Variants in MAST2 observed in about 807,000 individuals in gnomAD.
MAST2 encodes the protein microtubule-associated serine/threonine-protein kinase 2.
In MAST2, 70 loss-of-function variants were observed where a neutral mutation model predicts 147.4. The ratio of observed to expected loss-of-function variants is 0.47; its 90% CI spans 0.39 to 0.58. MAST2 has a LOEUF of 0.58. Ranked by LOEUF, MAST2 falls within the 20% of genes least tolerant of loss-of-function variation. MAST2 has a pLI of 0.00. For synonymous variants in MAST2, 869 were observed against 896.8 expected (o/e 0.97, Z 0.55); for missense variants, 2,080 against 2,302.3 (o/e 0.90, Z 1.98).
chr1:46,002,715 C>A, intron 6 of MAST2, 90 bp from the exon 7 acceptor site: 1 of 1,099,482 alleles, frequency 9.1e-7, no homozygotes, highest in Non-Finnish European at 1.4e-6. Flanking sequence ...AGTGAATCAA[C>A]TGCCCCCAAA....
intron 3 of MAST2, among the ~76,000 whole-genome samples, chr1:45,841,458 GTA>G (rs552340529): frequency 6.6e-6 from 1 of 151,022 alleles, no homozygotes; most frequent in Non-Finnish European, 1.5e-5. Context: ...TATTTCTTCT[GTA>G]TATATATATA....
intron 4 of MAST2, among the ~76,000 whole-genome samples, chr1:45,896,556 G>A (rs1223153384): frequency 6.6e-6 from 1 of 152,100 alleles, no homozygotes; most frequent in Non-Finnish European, 1.5e-5. Flanking sequence ...CTTGCCCCAG[G>A]TGTAGGGTGG....
rs750120985 is a variant in MAST2 at position 46,002,800 on chromosome 1, T to C, written c.669-5T>C. The C allele has an allele frequency of 2.5e-6, 4 of 1,613,956 alleles. No homozygotes were observed. The African/African-American group carries it at 4.0e-5, about 16-fold the overall frequency. On this transcript the variant is annotated splice_region_variant and splice_polypyrimidine_tract_variant and intron_variant, in intron 6 of 28. Transcript: ENST00000361297. ...AAACTGCCTAATACTTTTTCTTGCA[T>C]ACAGGACTGATGGGCGGCGCTGGTC...
intron 4 of MAST2, among the ~76,000 whole-genome samples, chr1:45,900,173 CAAAAA>C (rs59051138): frequency 3.7e-5 from 2 of 54,104 alleles, no homozygotes; most frequent in South Asian, 9.4e-4. Context: ...CTCTCTCTCT[CAAAAA>C]AAAAAAAAAA....
chr1:45,934,828 T>C (rs1466491567), intron 4 of MAST2, among the ~76,000 whole-genome samples: 1 of 152,246 alleles, frequency 6.6e-6, no homozygotes, highest in Non-Finnish European at 1.5e-5. Flanking sequence ...TGATTCCGTG[T>C]CTTTGCTATA....
At chr1:45,997,092 A>C (rs1163831876) in intron 5 of MAST2, among the ~76,000 whole-genome samples, 1 of 152,190 alleles carries the variant, frequency 6.6e-6, no homozygotes, top group East Asian at 1.9e-4. Context: ...GCAAAGGTAA[A>C]CTTACAGTTT....
Position 46,031,364 on chromosome 1 carries a change from G to A in MAST2, c.2993-27G>A, listed in dbSNP as rs1646659337. ...GGCAGGGAGGCTCAGCGGCATCGCG[G>A]GTCTCACTGCTTACTTGGGCCTACA... On this transcript the variant is annotated intron_variant, in intron 23 of 28. Transcript: ENST00000361297. The surrounding 1 kb of genome is among the most constrained non-coding windows in gnomAD (Gnocchi z 4.1). 6.3e-7 allele frequency: 1 copy of A among 1,594,608 alleles called. No homozygotes were observed. Among genetic ancestry groups the A allele is most frequent in the African/African-American group, 1.3e-5 (1 of 74,602 alleles).
intron 4 of MAST2, among the ~76,000 whole-genome samples, chr1:45,885,248 C>A (rs1647031537): frequency 6.6e-6 from 1 of 152,112 alleles, no homozygotes; most frequent in African/African-American, 2.4e-5. Context: ...AATGGTTCTC[C>A]CAAGAGCGAA....
intron 5 of MAST2, among the ~76,000 whole-genome samples, chr1:45,993,092 C>T (rs1033860218): frequency 2.0e-5 from 3 of 151,942 alleles, no homozygotes; most frequent in African/African-American, 7.3e-5. Context: ...TTTTGATCCT[C>T]ATGTGTTGTA....
chr1:45,965,165 C>T (rs566435813), intron 5 of MAST2, among the ~76,000 whole-genome samples: 26 of 152,132 alleles, frequency 1.7e-4, no homozygotes, highest in East Asian at 5.8e-4. Flanking sequence ...GGAATAGGTG[C>T]GGTGTGGTGC....
chr1:45,895,788 C>T (rs1039171946), intron 4 of MAST2, among the ~76,000 whole-genome samples: 4 of 152,144 alleles, frequency 2.6e-5, no homozygotes, highest in Non-Finnish European at 5.9e-5. Flanking sequence ...ATTCCATTAT[C>T]AATTTTTATA....
chr1:45,864,416 T>C (rs1646077354), intron 3 of MAST2, among the ~76,000 whole-genome samples: 1 of 152,078 alleles, frequency 6.6e-6, no homozygotes, highest in Non-Finnish European at 1.5e-5. Context: ...TTCGTTACTG[T>C]CCAAGAAGTG....
chr1:45,937,112 T>A (rs900428674), intron 4 of MAST2, among the ~76,000 whole-genome samples: 1 of 151,044 alleles, frequency 6.6e-6, no homozygotes, highest in African/African-American at 2.4e-5. Flanking sequence ...TTATTTATTT[T>A]CTTTCTAGAA....
At chr1:45,809,430 C>A (rs934536050) in intron 1 of MAST2, among the ~76,000 whole-genome samples, 3 of 152,064 alleles carry the variant, frequency 2.0e-5, no homozygotes, top group African/African-American at 7.2e-5. Flanking sequence ...GTTGCTTGAG[C>A]TCAGGAGTTT....
At chr1:45,837,848 G>A (rs1216003956) in intron 3 of MAST2, among the ~76,000 whole-genome samples, 1 of 151,996 alleles carries the variant, frequency 6.6e-6, no homozygotes, top group Non-Finnish European at 1.5e-5. Context: ...GCACAATCTC[G>A]GCTCATTGCA....
At position 46,030,851 on chromosome 1, in the gene MAST2, T is replaced by G. The variant is rs999281261; in HGVS notation, c.2708+90T>G. ...GAGAGATTCCGATGCCAGGGAGGAG[T>G]GCAGGTGGCAGGGAGGGGGCATTCA... On this transcript the variant is annotated intron_variant, in intron 22 of 28. Transcript: ENST00000361297. 5 of 1,479,258 alleles carry G rather than the reference T, an allele frequency of 3.4e-6. No homozygotes were observed. In the Admixed American group the frequency reaches 7.6e-5, roughly 22 times the overall value. 91.6% of individuals were successfully genotyped at this position (1,479,258 alleles called of 1,614,324 possible).
chr1:45,990,246 T>C, intron 5 of MAST2, among the ~76,000 whole-genome samples: 1 of 152,244 alleles, frequency 6.6e-6, no homozygotes, highest in African/African-American at 2.4e-5. Context: ...CTAATAGGTA[T>C]GTATGAGTAT....
intron 5 of MAST2, among the ~76,000 whole-genome samples, chr1:45,969,351 C>G (rs1486070793): frequency 1.3e-5 from 2 of 152,236 alleles, no homozygotes; most frequent in East Asian, 3.9e-4. Flanking sequence ...TGTTCCATAG[C>G]AGGGATCCGC....
chr1:45,966,498 A>G (rs1661226757), intron 5 of MAST2, among the ~76,000 whole-genome samples: 1 of 152,190 alleles, frequency 6.6e-6, no homozygotes, highest in African/African-American at 2.4e-5. Flanking sequence ...TGGGAGGCCA[A>G]GGTGGGCAGA....
Sources: allele counts gnomAD v4.1 joint callset (sites outside exome capture counted in the v4.1 genomes callset), GRCh38; gene constraint gnomAD v4.1.1; non-coding constraint Gnocchi (gnomAD v3.1); transcripts MANE v1.5; gene names NCBI Gene and HGNC (gene_info 2026-07-23, HGNC 2026-07-21).